The following ANKIB1 variants were observed in gnomAD, a reference collection of about 807,000 sequenced individuals.
ANKIB1 encodes the protein ankyrin repeat and IBR domain containing 1.
Under a neutral mutation model 122.1 loss-of-function variants are expected in ANKIB1, and 43 were observed. The observed-to-expected ratio is 0.35, with a 90% CI of 0.28 to 0.45. The LOEUF is 0.45. ANKIB1 is among the 20% of genes least tolerant of loss of function. The pLI, the probability that ANKIB1 is intolerant of heterozygous loss-of-function variation, is 1.00. For missense variants in ANKIB1, 992 were observed against 1,329.5 expected, an observed-to-expected ratio of 0.75 and a Z score of 3.95; for synonymous variants, 390 against 442.0, an observed-to-expected ratio of 0.88 and a Z score of 1.48.
intron 1 of ANKIB1, among the ~76,000 whole-genome samples, chr7:92,271,617 G>A (rs776887358): frequency 3.9e-5 from 6 of 152,118 alleles, no homozygotes; most frequent in Non-Finnish European, 7.4e-5. Flanking sequence ...GTATAGATGA[G>A]ACGCTAAGTC....
At chr7:92,307,262 A>C (rs187687252) in intron 2 of ANKIB1, 97 bp from the exon 3 acceptor site, 1 of 1,230,452 alleles carries the variant, frequency 8.1e-7, no homozygotes, top group Non-Finnish European at 1.1e-6. Context: ...TCAGCTTAGA[A>C]GTAGAGTTTA....
intron 3 of ANKIB1, among the ~76,000 whole-genome samples, chr7:92,310,924 C>A (rs1802679631): frequency 1.3e-5 from 2 of 152,086 alleles, no homozygotes; most frequent in African/African-American, 4.8e-5. Flanking sequence ...AAATATGTGA[C>A]CTGTTTAACT....
chr7:92,289,991 A>AT (rs1802212998), intron 1 of ANKIB1, among the ~76,000 whole-genome samples: 1 of 151,984 alleles, frequency 6.6e-6, no homozygotes, highest in Non-Finnish European at 1.5e-5. Flanking sequence ...TAATTTTTGT[A>AT]TTTTTTGTAG....
At chr7:92,384,678 C>G (rs557026341) in intron 11 of ANKIB1, among the ~76,000 whole-genome samples, 64 of 152,036 alleles carry the variant, frequency 4.2e-4, no homozygotes, top group African/African-American at 1.4e-3. Context: ...AAACTGGCTA[C>G]CCATATGTAG....
Position 92,246,454 on chromosome 7 carries a change from G to C in ANKIB1, c.-156G>C, listed in dbSNP as rs1200956983. Reference sequence around the variant, plus strand: ...CACCAGCTCGGCTGTAGAGGCAGGGGCGGCGGAGGCGGAACTGCGGAGTTG... The same window carrying C: ...CACCAGCTCGGCTGTAGAGGCAGGGCCGGCGGAGGCGGAACTGCGGAGTTG... On this transcript the variant is annotated 5_prime_UTR_variant, in exon 1 of 20. Transcript: ENST00000265742. 1 of 517,936 alleles carries C rather than the reference G, an allele frequency of 1.9e-6. No homozygotes were observed. The highest frequency in any genetic ancestry group is 1.9e-5 in the Admixed American group (1 of 51,560). 32.1% of individuals were successfully genotyped at this position (517,936 alleles called of 1,614,324 possible). A position where few individuals can be genotyped will look rare whatever the true frequency, so the allele number is the denominator to read the frequency against.
intron 6 of ANKIB1, 59 bp downstream of exon 6, chr7:92,343,291 A>G (rs2131975849): frequency 1.4e-6 from 2 of 1,426,696 alleles, no homozygotes; most frequent in East Asian, 2.4e-5. Context: ...TTAACATTCA[A>G]ATGATTTAAT....
intron 4 of ANKIB1, chr7:92,326,046 G>A: frequency 2.6e-6 from 1 of 384,464 alleles, no homozygotes; most frequent in Non-Finnish European, 5.1e-6. Flanking sequence ...AAGAAAAGTA[G>A]TGCCCACTTG....
At position 92,274,319 on chromosome 7, in the gene ANKIB1, A is replaced by G. The variant is rs80168256; in HGVS notation, c.-90-20570A>G. On this transcript the variant is annotated intron_variant, in intron 1 of 19. Coordinates refer to ENST00000265742, the MANE Select transcript of ANKIB1 (RefSeq NM_019004.2). ...TAAGCTCACCTTAGAGCAGTAAGAA[A>G]TTTACACAAAATATCAGTAATAAAA... Among the ~76,000 whole-genome samples the G allele has an allele frequency of 3.5e-3, 526 of 152,332 alleles. 15 individuals are homozygous for G. The highest frequency in any genetic ancestry group is 3.7e-3 in the Non-Finnish European group (249 of 68,030).
intron 1 of ANKIB1, among the ~76,000 whole-genome samples, chr7:92,269,118 A>C (rs571511439): frequency 1.4e-4 from 22 of 152,336 alleles, no homozygotes; most frequent in African/African-American, 5.3e-4. Flanking sequence ...AGTATTATGC[A>C]ATACCTATAG....
chr7:92,260,529 A>G (rs1801541863), intron 1 of ANKIB1, among the ~76,000 whole-genome samples: 1 of 152,086 alleles, frequency 6.6e-6, no homozygotes, highest in Non-Finnish European at 1.5e-5. Flanking sequence ...AGGTAAACTA[A>G]ATTAGCTGGG....
intron 14 of ANKIB1, among the ~76,000 whole-genome samples, chr7:92,389,197 A>G (rs957655820): frequency 5.9e-5 from 9 of 152,218 alleles, no homozygotes; most frequent in African/African-American, 2.2e-4. Flanking sequence ...CATTTCTCAC[A>G]TAAGTCAGAA....
intron 4 of ANKIB1, 44 bp from the exon 5 acceptor site, chr7:92,327,739 A>G (rs1803058166): frequency 7.7e-6 from 8 of 1,037,016 alleles, no homozygotes; most frequent in Admixed American, 6.6e-5. Flanking sequence ...ATAACTTCCT[A>G]TGAGTATAAT....
intron 2 of ANKIB1, among the ~76,000 whole-genome samples, chr7:92,298,120 T>C (rs1171601247): frequency 6.6e-6 from 1 of 152,108 alleles, no homozygotes; most frequent in East Asian, 1.9e-4. Context: ...ATTATTATTA[T>C]TACTAAACTC....
At chr7:92,334,784 A>AT (rs1209378308) in intron 5 of ANKIB1, among the ~76,000 whole-genome samples, 1 of 151,972 alleles carries the variant, frequency 6.6e-6, no homozygotes, top group Non-Finnish European at 1.5e-5. Context: ...TTTCATATCA[A>AT]TAGCTATATG....
At chr7:92,264,564 A>AT (rs139490587) in intron 1 of ANKIB1, among the ~76,000 whole-genome samples, 15,347 of 150,406 alleles carry the variant, frequency 0.1, 959 homozygotes, top group Middle Eastern at 0.22. Context: ...CGCTTGACTA[A>AT]TTTTTTTTTC....
intron 7 of ANKIB1, among the ~76,000 whole-genome samples, chr7:92,345,493 G>C (rs1038503590): frequency 1.3e-5 from 2 of 152,162 alleles, no homozygotes; most frequent in African/African-American, 4.8e-5. Context: ...TCTTTTTAGT[G>C]AATGCAGAGT....
chr7:92,355,243 A>G (rs554817762), intron 9 of ANKIB1, among the ~76,000 whole-genome samples: 8 of 149,590 alleles, frequency 5.3e-5, no homozygotes, highest in African/African-American at 2.0e-4. Flanking sequence ...ACTTAAACCA[A>G]TGACTTTTCC....
At chr7:92,396,101 A>G in intron 17 of ANKIB1, 1 of 433,684 alleles carries the variant, frequency 2.3e-6, no homozygotes, top group Non-Finnish European at 4.1e-6. Flanking sequence ...GGCATATAAA[A>G]TAGGGCTGTT....
At position 92,289,602 on chromosome 7, in the gene ANKIB1, T is replaced by G. The variant is rs180789839; in HGVS notation, c.-90-5287T>G. 2.6e-3 allele frequency among the ~76,000 whole-genome samples: 395 copies of G among 152,326 alleles called. 1 individual carries two copies. The highest frequency in any genetic ancestry group is 9.0e-3 in the African/African-American group (373 of 41,566). ...ATGCATTATAATCAACTGGGAAGCT[T>G]TTAAATTTCCCACTCTGGCCTCGTT... On this transcript the variant is annotated intron_variant, in intron 1 of 19. Coordinates refer to ENST00000265742, the MANE Select transcript of ANKIB1 (RefSeq NM_019004.2).
Sources: allele counts gnomAD v4.1 joint callset (sites outside exome capture counted in the v4.1 genomes callset), GRCh38; gene constraint gnomAD v4.1.1; transcripts MANE v1.5; gene names NCBI Gene and HGNC (gene_info 2026-07-23, HGNC 2026-07-21).